UBR3: variants seen among roughly 807,000 people sequenced by gnomAD.
UBR3 encodes E3 ubiquitin-protein ligase UBR3.
A neutral mutation model predicts 243.2 loss-of-function variants in UBR3; 85 were observed. That is an observed-to-expected ratio of 0.35 (90% CI 0.29 to 0.42). The LOEUF is 0.42. Ranked by LOEUF, UBR3 falls within the 10% of genes least tolerant of loss-of-function variation. The pLI, the probability that UBR3 is intolerant of heterozygous loss-of-function variation, is 1.00. For synonymous variants in UBR3, 748 were observed against 799.8 expected (o/e 0.94, Z 1.09); for missense variants, 1,686 against 2,300.8 (o/e 0.73, Z 5.47).
chr2:169,882,020 A>T (rs1276120957), intron 5 of UBR3, among the ~76,000 whole-genome samples: 1 of 126,406 alleles, frequency 7.9e-6, no homozygotes, highest in Non-Finnish European at 1.6e-5. Flanking sequence ...AATATGTATT[A>T]TATATTATAC....
chr2:169,858,630 C>G (rs1051098369), intron 1 of UBR3, among the ~76,000 whole-genome samples: 5 of 151,968 alleles, frequency 3.3e-5, no homozygotes, highest in South Asian at 2.1e-4. Flanking sequence ...GACAGAGTCT[C>G]TCTCTCTTAC....
intron 23 of UBR3, among the ~76,000 whole-genome samples, chr2:169,957,287 A>G (rs2087345473): frequency 6.6e-6 from 1 of 151,148 alleles, no homozygotes; most frequent in Non-Finnish European, 1.5e-5. Context: ...TTTTTTTGGC[A>G]ACCAGTTGCA....
intron 1 of UBR3, among the ~76,000 whole-genome samples, chr2:169,833,599 G>T (rs763060628): frequency 3.9e-5 from 6 of 152,068 alleles, no homozygotes; most frequent in Admixed American, 1.3e-4. Flanking sequence ...GCTTTTTTCA[G>T]AGTGCTTTCA....
chr2:169,864,851 G>A (rs2083200663), intron 1 of UBR3, among the ~76,000 whole-genome samples: 3 of 148,518 alleles, frequency 2.0e-5, no homozygotes, highest in Admixed American at 6.8e-5. Context: ...AGCTTGCAGT[G>A]AGCCAAGATC....
intron 1 of UBR3, among the ~76,000 whole-genome samples, chr2:169,841,747 T>G (rs937556216): frequency 1.1e-4 from 17 of 152,332 alleles, no homozygotes; most frequent in Admixed American, 4.6e-4. Flanking sequence ...TCGATTTCTC[T>G]CCGGGCCTTG....
At chr2:169,952,776 A>T (rs2087097548) in intron 23 of UBR3, among the ~76,000 whole-genome samples, 1 of 152,176 alleles carries the variant, frequency 6.6e-6, no homozygotes, top group South Asian at 2.1e-4. Flanking sequence ...GAATTCCTAA[A>T]TTGGAGTTAT....
intron 26 of UBR3, among the ~76,000 whole-genome samples, 179 bp from the exon 27 acceptor site, chr2:170,001,125 A>G (rs2089679700): frequency 6.6e-6 from 1 of 152,216 alleles, no homozygotes; most frequent in Non-Finnish European, 1.5e-5. Flanking sequence ...TGGTATTCCA[A>G]TTTTAAAGAT....
At chr2:169,879,787 G>T (rs1372792779) in intron 5 of UBR3, among the ~76,000 whole-genome samples, 1 of 152,022 alleles carries the variant, frequency 6.6e-6, no homozygotes, top group Non-Finnish European at 1.5e-5. Context: ...TTATGTAAAT[G>T]GTTAGCTTAT....
intron 18 of UBR3, among the ~76,000 whole-genome samples, chr2:169,929,242 T>A (rs2086023961): frequency 1.3e-5 from 2 of 152,176 alleles, no homozygotes; most frequent in African/African-American, 4.8e-5. Context: ...AGCAAAAGAA[T>A]CCTCACGACC....
intron 19 of UBR3, among the ~76,000 whole-genome samples, chr2:169,934,988 T>C (rs2086269690): frequency 6.6e-6 from 1 of 152,124 alleles, no homozygotes; most frequent in Non-Finnish European, 1.5e-5. Context: ...CTCATCCTGC[T>C]TCCCTCACTC....
rs767258407 is a variant in UBR3, at chr2:169,905,303, T to G, written c.1645+10T>G. The G allele has an allele frequency of 6.1e-6, 9 of 1,470,660 alleles. No individual in the cohort carries two copies. Among genetic ancestry groups the G allele is most frequent in the Non-Finnish European group, 7.2e-6 (8 of 1,110,894 alleles). 91.1% of individuals were successfully genotyped at this position (1,470,660 alleles called of 1,614,324 possible). On this transcript the variant is annotated intron_variant, in intron 9 of 38. Transcript: ENST00000272793. ...GTATCTTTCTTTCAAGGTATGAATTTTATCCCTTTGTTAATTTTTTGGTTT... is the reference window on the plus strand; with the variant it reads ...GTATCTTTCTTTCAAGGTATGAATTGTATCCCTTTGTTAATTTTTTGGTTT...
chr2:169,849,680 CCT>C (rs1368238797), intron 1 of UBR3, among the ~76,000 whole-genome samples: 1 of 152,138 alleles, frequency 6.6e-6, no homozygotes, highest in Non-Finnish European at 1.5e-5. Context: ...ATGGTATATC[CCT>C]CTCTCTAACC....
intron 1 of UBR3, among the ~76,000 whole-genome samples, chr2:169,829,465 C>A (rs956700915): frequency 2.0e-5 from 3 of 147,370 alleles, no homozygotes; most frequent in African/African-American, 7.5e-5. Flanking sequence ...CTCTTGTTGC[C>A]CAAGCTGGAG....
chr2:169,921,208 C>T lies in UBR3; in HGVS notation c.1867-2721C>T, dbSNP rs183936702. 6.6e-5 allele frequency among the ~76,000 whole-genome samples: 10 copies of T among 152,196 alleles called. No homozygotes were observed. The East Asian group carries it at 7.7e-4, about 12-fold the overall frequency. On this transcript the variant is annotated intron_variant, in intron 11 of 38. Transcript: ENST00000272793. ...AAAGATACTGAGTTTGGTTTGGACACGCTGTATTTGTGGTCCTATGGAATA... is the reference window on the plus strand; with the variant it reads ...AAAGATACTGAGTTTGGTTTGGACATGCTGTATTTGTGGTCCTATGGAATA...
chr2:169,973,737 G>A (rs1244051833), intron 24 of UBR3, among the ~76,000 whole-genome samples: 1 of 152,096 alleles, frequency 6.6e-6, no homozygotes, highest in Non-Finnish European at 1.5e-5. Flanking sequence ...GTTCTGTGTT[G>A]GAAAAGAGTG....
chr2:169,840,720 C>A (rs1055783445), intron 1 of UBR3, among the ~76,000 whole-genome samples: 12 of 152,176 alleles, frequency 7.9e-5, no homozygotes, highest in Non-Finnish European at 1.8e-4. Flanking sequence ...GGGCCTCAGG[C>A]TCTCTGGTAC....
At chr2:170,068,324 C>T (rs1447305114) in intron 35 of UBR3, among the ~76,000 whole-genome samples, 5 of 151,864 alleles carry the variant, frequency 3.3e-5, no homozygotes, top group South Asian at 4.2e-4. Context: ...AGAAATTAGC[C>T]GGGCATGTTG....
chr2:170,057,917 A>G (rs1171240364), intron 33 of UBR3, among the ~76,000 whole-genome samples: 1 of 152,202 alleles, frequency 6.6e-6, no homozygotes, highest in Non-Finnish European at 1.5e-5. Flanking sequence ...TATAATAGAC[A>G]TAAACATTTA....
chr2:169,938,263 T>C (rs1476482173), intron 19 of UBR3, among the ~76,000 whole-genome samples: 1 of 152,086 alleles, frequency 6.6e-6, no homozygotes, highest in East Asian at 1.9e-4. Context: ...TTTGCAAATA[T>C]TTTCTTTCTC....
Sources: gnomAD v4.1 joint callset for allele counts (sites outside exome capture counted in the v4.1 genomes callset) on GRCh38, gnomAD v4.1.1 for gene constraint, MANE v1.5 for transcripts, NCBI Gene and HGNC (gene_info 2026-07-23, HGNC 2026-07-21) for gene names.